The following SNX31 variants were observed in gnomAD, a reference collection of about 807,000 sequenced individuals.
The protein encoded by SNX31 is sorting nexin 31, also known as sorting nexin-31.
A neutral mutation model predicts 65.4 loss-of-function variants in SNX31; 58 were observed. That is an observed-to-expected ratio of 0.89 (90% CI 0.72 to 1.10). The LOEUF (loss-of-function observed/expected upper bound fraction) is 1.10, where lower values mean the gene tolerates loss of function less well. SNX31 is among the 50% of genes least tolerant of loss of function. The probability of loss-of-function intolerance (pLI) is 0.00; values close to 1 mark genes in which losing one functional copy is unlikely to be tolerated. For synonymous variants in SNX31, 181 were observed against 190.1 expected (o/e 0.95, Z 0.39); for missense variants, 523 against 529.7 (o/e 0.99, Z 0.12).
chr8:100,594,332 AAAC>A lies in SNX31; in HGVS notation c.978+2304_978+2306del, dbSNP rs374339502. Reference sequence around the variant, plus strand: ...ACAAAACCAAAACAAGGAAACAGACAAACAACAACAACAACAACAAAACCGAAA... The same window carrying A: ...ACAAAACCAAAACAAGGAAACAGACAAACAACAACAACAACAAAACCGAAA... On this transcript the variant is annotated intron_variant, in intron 10 of 13. Coordinates refer to ENST00000311812, the MANE Select transcript of SNX31 (RefSeq NM_152628.4). The surrounding 1 kb of genome is among the most constrained non-coding windows in gnomAD (Gnocchi z 4.0). Among the ~76,000 whole-genome samples the A allele has an allele frequency of 4.0e-4, 61 of 152,006 alleles. 1 individual carries two copies. The highest frequency in any genetic ancestry group is 2.6e-4 in the Admixed American group (4 of 15,240).
chr8:100,624,803 C>T (rs1403478983), intron 4 of SNX31, among the ~76,000 whole-genome samples: 1 of 151,902 alleles, frequency 6.6e-6, no homozygotes, highest in Non-Finnish European at 1.5e-5. Flanking sequence ...AGCTGCTATC[C>T]TTTTTCTTTT....
At chr8:100,583,976 A>G in intron 12 of SNX31, 135 bp downstream of exon 12, 1 of 646,482 alleles carries the variant, frequency 1.5e-6, no homozygotes. Context: ...AGAGGAGCTC[A>G]CTTCTGTGGT....
At chr8:100,600,489 T>A (rs746085349) in intron 8 of SNX31, 48 bp from the exon 9 acceptor site, 1 of 1,487,160 alleles carries the variant, frequency 6.7e-7, no homozygotes, top group Non-Finnish European at 9.3e-7. Flanking sequence ...CAGAAATTAA[T>A]CAATCTGACA....
chr8:100,597,213 T>C (rs941202705), intron 9 of SNX31, among the ~76,000 whole-genome samples: 7 of 151,314 alleles, frequency 4.6e-5, no homozygotes, highest in African/African-American at 1.7e-4. Context: ...CTCAGCAGAT[T>C]ATAATAGCAA....
rs768216215 is a variant in SNX31, at chr8:100,630,339, T to G, written c.309A>C (p.Lys103Asn). ...AGAGCAAGCTTACCAGCTGCGCCAG[T>G]TTTAAAAACTCAACGAAGACATCAC... is the stretch of plus-strand genomic sequence containing the variant. Reference protein sequence around the residue: ...LRSDVFVEFLKLAQLNTFDIA... With the variant: ...LRSDVFVEFLNLAQLNTFDIA... Residue 103 changes from lysine (K) to asparagine (N), a missense_variant, in exon 4 of 14, where the codon AAA becomes AAC. By Grantham distance (94) the Lys-to-Asn change is moderately conservative. Coordinates refer to ENST00000311812, the MANE Select transcript of SNX31 (RefSeq NM_152628.4). This position sits in a 1 kb window ranked among gnomAD's most constrained non-coding sequence, Gnocchi z 5.3. The G allele has an allele frequency of 5.0e-6, 8 of 1,613,248 alleles. No individual in the cohort carries two copies. The highest frequency in any genetic ancestry group is 6.8e-6 in the Non-Finnish European group (8 of 1,179,826).
At chr8:100,590,267 A>G (rs1324702941) in intron 10 of SNX31, among the ~76,000 whole-genome samples, 1 of 152,228 alleles carries the variant, frequency 6.6e-6, no homozygotes, top group African/African-American at 2.4e-5. Context: ...CTAGGGGGCA[A>G]CAGACATTAT....
intron 1 of SNX31, among the ~76,000 whole-genome samples, chr8:100,662,771 C>T (rs1308470351): frequency 1.3e-5 from 2 of 152,192 alleles, no homozygotes; most frequent in Admixed American, 1.3e-4. Flanking sequence ...TAAGTCCCCT[C>T]TACAATATCA....
At chr8:100,616,306 T>TA (rs1260623290) in intron 5 of SNX31, among the ~76,000 whole-genome samples, 1 of 152,020 alleles carries the variant, frequency 6.6e-6, no homozygotes, top group Admixed American at 6.6e-5. Flanking sequence ...GCCCAGTGTG[T>TA]AAAAAAAGAA....
In SNX31 at chr8:100,649,495, AT is replaced by A; in HGVS notation, c.19del (p.Ile7SerfsTer42). The part of the protein sequence containing the change: MKMHFC[I>X]PVSQQRSDAL... ...GTCGGACCGCTGCTGGGACACCGGG[AT>A]ACAGAAATGCATCTTCATGGCTGAG... On this transcript the variant is annotated frameshift_variant, in exon 1 of 14. Transcript: ENST00000311812. LOFTEE classifies it high-confidence loss of function. 6.6e-7 allele frequency: 1 copy of A among 1,509,902 alleles called. No individual in the cohort carries two copies. Among genetic ancestry groups the A allele is most frequent in the South Asian group, 1.2e-5 (1 of 85,058 alleles). 93.5% of individuals were successfully genotyped at this position (1,509,902 alleles called of 1,614,324 possible).
upstream of SNX31, among the ~76,000 whole-genome samples, chr8:100,653,627 C>A (rs2131311900): frequency 6.6e-6 from 1 of 152,318 alleles, no homozygotes; most frequent in Non-Finnish European, 1.5e-5. Context: ...CACGGCTCTG[C>A]CGACACTTTG....
rs185572404 is a variant in SNX31 at position 100,635,779 on chromosome 8, G to A, written c.256+118C>T. ...CTAAAATTAGATTACGGTAATGGTC[G>A]CACAATTAATTACATAAATATATTG... On this transcript the variant is annotated intron_variant, in intron 3 of 13. Transcript: ENST00000311812. 1.2e-3 allele frequency: 773 copies of A among 651,236 alleles called. 3 individuals carry two copies. The African/African-American group carries it at 0.012, about 11-fold the overall frequency. 40.3% of individuals were successfully genotyped at this position (651,236 alleles called of 1,614,324 possible).
intron 8 of SNX31, among the ~76,000 whole-genome samples, chr8:100,603,660 C>T (rs62513875): frequency 0.068 from 10,376 of 151,736 alleles, 411 homozygotes; most frequent in African/African-American, 0.086. Flanking sequence ...TGGTCTTGAA[C>T]TCCTGACCTC....
chr8:100,637,213 A>T (rs1284648553), intron 2 of SNX31, among the ~76,000 whole-genome samples: 1 of 152,214 alleles, frequency 6.6e-6, no homozygotes, highest in Non-Finnish European at 1.5e-5. Flanking sequence ...AAAATTAAGA[A>T]CTAAAAATGT....
intron 9 of SNX31, 96 bp downstream of exon 9, chr8:100,600,253 G>A: frequency 1.0e-6 from 1 of 997,652 alleles, no homozygotes; most frequent in Non-Finnish European, 1.6e-6. Flanking sequence ...CACTTTTAGT[G>A]CTTGGTAGGT....
intron 2 of SNX31, among the ~76,000 whole-genome samples, chr8:100,637,051 A>G (rs1322091418): frequency 3.9e-5 from 6 of 152,170 alleles, no homozygotes; most frequent in Non-Finnish European, 7.3e-5. Context: ...CTATTGGACC[A>G]GTGCTGGTTA....
intron 8 of SNX31, among the ~76,000 whole-genome samples, chr8:100,605,430 A>AATGATGATG (rs757369298): frequency 6.6e-6 from 1 of 151,924 alleles, no homozygotes; most frequent in Non-Finnish European, 1.5e-5. Flanking sequence ...TTCAGGGAAC[A>AATGATGATG]ATGATGATGA....
Position 100,613,069 on chromosome 8 carries a change from AT to A in SNX31, c.448del (p.Ile150LeufsTer27), listed in dbSNP as rs755031006. ...GCCCAAGAGCTCTCGACACAGTCCA[AT>A]TTTGTGTGACACCACCTTTAACCAG... ...ERVLEVVSHK[I>X]GLCRELLGYF... On this transcript the variant is annotated frameshift_variant, in exon 6 of 14. Transcript: ENST00000311812. LOFTEE classifies it high-confidence loss of function. This position sits in a 1 kb window ranked among gnomAD's most constrained non-coding sequence, Gnocchi z 5.2. 6.2e-7 allele frequency: 1 copy of A among 1,614,012 alleles called. No individual in the cohort carries two copies. The highest frequency in any genetic ancestry group is 2.2e-5 in the East Asian group (1 of 44,858).
chr8:100,654,471 C>T (rs1820025901), upstream of SNX31, among the ~76,000 whole-genome samples: 1 of 152,188 alleles, frequency 6.6e-6, no homozygotes, highest in Admixed American at 6.5e-5. Flanking sequence ...CTTCTCCAAA[C>T]AAAAATAACG....
chr8:100,627,542 T>A (rs1818124935), intron 4 of SNX31, among the ~76,000 whole-genome samples: 1 of 152,134 alleles, frequency 6.6e-6, no homozygotes, highest in Non-Finnish European at 1.5e-5. Context: ...AACGTCAATT[T>A]AAAAAAATTT....
Sources: gnomAD v4.1 joint callset for allele counts (sites outside exome capture counted in the v4.1 genomes callset) on GRCh38, gnomAD v4.1.1 for gene constraint, Gnocchi (gnomAD v3.1) non-coding constraint, MANE v1.5 for transcripts, NCBI Gene and HGNC (gene_info 2026-07-23, HGNC 2026-07-21) for gene names.